Variants in AKAP7 observed in about 807,000 individuals in gnomAD.
The protein encoded by AKAP7 is A kinase (PRKA) anchor protein 7.
A neutral mutation model predicts 39.5 loss-of-function variants in AKAP7; 39 were observed. That is an observed-to-expected ratio of 0.99 (90% confidence interval 0.76 to 1.29). The LOEUF (loss-of-function observed/expected upper bound fraction) is 1.29, where lower values mean the gene tolerates loss of function less well. Ranked by LOEUF, AKAP7 falls within the 50% of genes most tolerant of loss-of-function variation. The probability of loss-of-function intolerance (pLI) is 0.00; values close to 1 mark genes in which losing one functional copy is unlikely to be tolerated. For missense variants in AKAP7, 414 were observed against 407.7 expected (o/e 1.02, Z -0.13); for synonymous variants, 140 against 139.1 (o/e 1.01, Z -0.05).
chr6:131,244,689 T>G (rs570049628), intron 7 of AKAP7, among the ~76,000 whole-genome samples: 10 of 152,342 alleles, frequency 6.6e-5, no homozygotes, highest in Admixed American at 3.9e-4. Flanking sequence ...CAGAAATGCA[T>G]CAGCAGAGAT....
chr6:131,213,920 G>A (rs1245478158), intron 6 of AKAP7, among the ~76,000 whole-genome samples: 1 of 152,146 alleles, frequency 6.6e-6, no homozygotes, highest in African/African-American at 2.4e-5. Context: ...CTTCTTGGGT[G>A]CCAGTGACCT....
At chr6:131,261,457 A>C (rs1264863001) in intron 7 of AKAP7, among the ~76,000 whole-genome samples, 1 of 152,088 alleles carries the variant, frequency 6.6e-6, no homozygotes, top group African/African-American at 2.4e-5. Flanking sequence ...TTATGAAACT[A>C]TTTTGTCCAC....
chr6:131,253,483 A>G (rs1001179776), intron 7 of AKAP7, among the ~76,000 whole-genome samples: 3 of 152,028 alleles, frequency 2.0e-5, no homozygotes, highest in Non-Finnish European at 2.9e-5. Context: ...ACTTCCAGCT[A>G]TTTTGGAATG....
intron 7 of AKAP7, among the ~76,000 whole-genome samples, chr6:131,234,604 CTT>C (rs1278420358): frequency 2.1e-5 from 3 of 142,126 alleles, no homozygotes; most frequent in Non-Finnish European, 3.1e-5. Flanking sequence ...TAGTTCAGAT[CTT>C]TTTTTTTTTT....
intron 7 of AKAP7, among the ~76,000 whole-genome samples, chr6:131,276,107 C>CT (rs893843141): frequency 7.2e-5 from 11 of 152,188 alleles, no homozygotes; most frequent in African/African-American, 2.4e-4. Flanking sequence ...TGGGGATGTC[C>CT]TTTTGTACAT....
At chr6:131,188,561 C>A (rs1806097780) in intron 5 of AKAP7, among the ~76,000 whole-genome samples, 3 of 151,924 alleles carry the variant, frequency 2.0e-5, no homozygotes, top group Admixed American at 2.0e-4. Flanking sequence ...TTTTTAAGAC[C>A]GTGTATCACT....
intron 7 of AKAP7, among the ~76,000 whole-genome samples, chr6:131,232,938 T>G (rs1293094391): frequency 2.0e-5 from 3 of 147,526 alleles, no homozygotes; most frequent in African/African-American, 7.5e-5. Context: ...TATTTATTAT[T>G]AAAGATTTGC....
chr6:131,208,624 A>T (rs560192563), intron 6 of AKAP7, among the ~76,000 whole-genome samples: 1 of 152,268 alleles, frequency 6.6e-6, no homozygotes, highest in Non-Finnish European at 1.5e-5. Context: ...GGGATCTGTG[A>T]TCCAATGAAT....
At chr6:131,258,228 G>A (rs1458547394) in intron 7 of AKAP7, among the ~76,000 whole-genome samples, 1 of 152,180 alleles carries the variant, frequency 6.6e-6, no homozygotes, top group East Asian at 1.9e-4. Context: ...TGTTCTGAAA[G>A]GTATGATGAT....
intron 5 of AKAP7, among the ~76,000 whole-genome samples, chr6:131,187,384 C>T (rs1484933585): frequency 6.6e-6 from 1 of 151,930 alleles, no homozygotes; most frequent in African/African-American, 2.4e-5. Flanking sequence ...TTTTTGTATT[C>T]CTAATTATTT....
At chr6:131,138,026 G>A (rs146322116) in intron 1 of AKAP7, among the ~76,000 whole-genome samples, 69 of 152,044 alleles carry the variant, frequency 4.5e-4, no homozygotes, top group African/African-American at 1.1e-3. Context: ...TGTCATTGTC[G>A]CGAGCATGCT....
chr6:131,209,811 A>G lies in AKAP7; in HGVS notation c.703-9850A>G, dbSNP rs12110484. 7.8e-3 allele frequency among the ~76,000 whole-genome samples: 1,192 copies of G among 152,350 alleles called. 19 individuals are homozygous for G. The highest frequency in any genetic ancestry group is 0.027 in the African/African-American group (1,136 of 41,582). ...AAGGACAAAGTGGAACATCATGAAA[A>G]TATAGGCAACTGGCAAGTCCCACAG... is the stretch of plus-strand genomic sequence containing the variant. On this transcript the variant is annotated intron_variant, in intron 6 of 7. Transcript: ENST00000431975.
At chr6:131,247,341 T>C (rs1336453863) in intron 7 of AKAP7, among the ~76,000 whole-genome samples, 5 of 138,998 alleles carry the variant, frequency 3.6e-5, no homozygotes, top group Admixed American at 7.2e-5. Flanking sequence ...TTTTTTTTTT[T>C]CCGAGATGGA....
At chr6:131,230,348 T>C (rs544106496) in intron 7 of AKAP7, among the ~76,000 whole-genome samples, 14 of 152,366 alleles carry the variant, frequency 9.2e-5, no homozygotes, top group Admixed American at 2.6e-4. Context: ...TGATGATTAC[T>C]AATGTGGAGC....
intron 5 of AKAP7, among the ~76,000 whole-genome samples, chr6:131,191,166 G>GT (rs1806366927): frequency 6.6e-6 from 1 of 152,186 alleles, no homozygotes; most frequent in Non-Finnish European, 1.5e-5. Flanking sequence ...TAGGAACATA[G>GT]TAAGTTAGTC....
chr6:131,199,894 C>A (rs1474785268), intron 6 of AKAP7: 1 of 298,482 alleles, frequency 3.4e-6, no homozygotes, highest in Non-Finnish European at 6.3e-6. Flanking sequence ...GCTATTCTTG[C>A]TTGTGGTTAT....
intron 2 of AKAP7, among the ~76,000 whole-genome samples, chr6:131,149,090 G>A (rs1761771616): frequency 6.6e-6 from 1 of 152,210 alleles, no homozygotes; most frequent in Non-Finnish European, 1.5e-5. Context: ...AACGGTTAGT[G>A]TCTCTCGATT....
chr6:131,233,151 C>T (rs1885640), intron 7 of AKAP7, among the ~76,000 whole-genome samples: 77,874 of 151,742 alleles, frequency 0.51, 20,339 homozygotes, highest in African/African-American at 0.59. Context: ...TTAAAAAAAC[C>T]TGCTAATGTG....
chr6:131,230,692 T>C (rs906065157), intron 7 of AKAP7, among the ~76,000 whole-genome samples: 7 of 152,192 alleles, frequency 4.6e-5, no homozygotes, highest in Non-Finnish European at 7.4e-5. Context: ...TCCTAGGTTT[T>C]CTTCTAGGAT....
Sources: allele counts gnomAD v4.1 joint callset (sites outside exome capture counted in the v4.1 genomes callset), GRCh38; gene constraint gnomAD v4.1.1; transcripts MANE v1.5; gene names NCBI Gene and HGNC (gene_info 2026-07-23, HGNC 2026-07-21).